OCA2: variants seen among roughly 807,000 people sequenced by gnomAD.
OCA2 encodes P protein.
A neutral mutation model predicts 100.2 loss-of-function variants in OCA2; 77 were observed. The ratio of observed to expected loss-of-function variants is 0.77; its 90% confidence interval spans 0.64 to 0.93. The LOEUF (loss-of-function observed/expected upper bound fraction) is 0.93. Ranked by LOEUF, OCA2 falls within the 40% of genes least tolerant of loss-of-function variation. The probability of loss-of-function intolerance (pLI) is 0.00; values close to 1 mark genes in which losing one functional copy is unlikely to be tolerated. For synonymous variants in OCA2, 432 were observed against 439.2 expected, an observed-to-expected ratio of 0.98 and a Z score of 0.21; for missense variants, 1,062 against 1,089.1, an observed-to-expected ratio of 0.98 and a Z score of 0.35.
At chr15:27,751,241 T>A (rs544756990), downstream of OCA2, among the ~76,000 whole-genome samples, 5 of 152,336 alleles carry the variant, frequency 3.3e-5, no homozygotes, top group African/African-American at 1.2e-4. Flanking sequence ...CGCATAATAA[T>A]TGGTCCTATG....
chr15:27,754,112 C>T (rs919299553), downstream of OCA2, among the ~76,000 whole-genome samples: 1 of 152,096 alleles, frequency 6.6e-6, no homozygotes, highest in African/African-American at 2.4e-5. Context: ...GTCAGCTGCA[C>T]GTGTCTCAAG....
intron 19 of OCA2, among the ~76,000 whole-genome samples, chr15:27,904,596 C>G (rs1212587586): frequency 6.6e-6 from 1 of 152,168 alleles, no homozygotes; most frequent in African/African-American, 2.4e-5. Flanking sequence ...CAGCCCCTCA[C>G]TGATCATGGG....
chr15:27,845,113 T>C, intron 22 of OCA2, 61 bp from the exon 23 acceptor site: 1 of 1,265,704 alleles, frequency 7.9e-7, no homozygotes, highest in Non-Finnish European at 1.2e-6. Context: ...TCTGTTCTCT[T>C]TGGTTTGTAA....
chr15:27,773,037 G>A (rs2031982678), intron 23 of OCA2, among the ~76,000 whole-genome samples: 1 of 151,956 alleles, frequency 6.6e-6, no homozygotes, highest in African/African-American at 2.4e-5. Context: ...TATGTTGACT[G>A]TCTCATTGAA....
At chr15:27,861,058 C>T (rs2036111769) in intron 21 of OCA2, among the ~76,000 whole-genome samples, 1 of 152,198 alleles carries the variant, frequency 6.6e-6, no homozygotes, top group South Asian at 2.1e-4. Context: ...GGGAACAATA[C>T]GTCTGAAGCT....
At chr15:27,825,151 G>C (rs1261525007) in intron 23 of OCA2, among the ~76,000 whole-genome samples, 2 of 152,196 alleles carry the variant, frequency 1.3e-5, no homozygotes, top group African/African-American at 2.4e-5. Context: ...ATTGCTTGGT[G>C]AGTTGACTCT....
intron 19 of OCA2, among the ~76,000 whole-genome samples, chr15:27,924,037 T>C (rs1430490561): frequency 2.0e-5 from 3 of 152,170 alleles, no homozygotes; most frequent in Non-Finnish European, 4.4e-5. Flanking sequence ...TTTTTGTATA[T>C]GGTATAAGGA....
At chr15:27,748,959 GA>G in the OCA2 span, among the ~76,000 whole-genome samples, 34 of 149,992 alleles carry the variant, frequency 2.3e-4, 1 homozygote, top group South Asian at 4.9e-3. Flanking sequence ...AGAAAATACT[GA>G]AAAAAAAATG....
At chr15:27,763,475 C>T (rs773766149) in intron 23 of OCA2, among the ~76,000 whole-genome samples, 5 of 152,064 alleles carry the variant, frequency 3.3e-5, no homozygotes, top group African/African-American at 4.8e-5. Flanking sequence ...AATTAGAAAA[C>T]GAACAAAAGA....
At chr15:27,926,822 C>T (rs1261312437) in intron 18 of OCA2, among the ~76,000 whole-genome samples, 1 of 152,088 alleles carries the variant, frequency 6.6e-6, no homozygotes, top group East Asian at 1.9e-4. Context: ...CTATGTTGAC[C>T]AGGCTGGTCT....
At chr15:28,064,517 T>C (rs981130389) in intron 2 of OCA2, among the ~76,000 whole-genome samples, 2 of 152,148 alleles carry the variant, frequency 1.3e-5, no homozygotes, top group Non-Finnish European at 2.9e-5. Flanking sequence ...TCTTCAAGCC[T>C]GCTGATTCTT....
rs191120248 is a variant in OCA2, at chr15:28,077,067, T to G, written c.227+4581A>C. On this transcript the variant is annotated intron_variant, in intron 2 of 23. Transcript: ENST00000354638. ...TCACTCTGTGCTTAATTTGTTTTTT[T>G]TTTTTTTTTGAGACAGAGTTTCACA... 5.2e-4 allele frequency among the ~76,000 whole-genome samples: 79 copies of G among 151,584 alleles called. 1 individual carries two copies. In the Middle Eastern group the frequency reaches 0.031, roughly 59 times the overall value.
At chr15:27,935,202 C>T (rs2039408518) in intron 18 of OCA2, among the ~76,000 whole-genome samples, 1 of 152,168 alleles carries the variant, frequency 6.6e-6, no homozygotes, top group Admixed American at 6.5e-5. Context: ...ATTAAAAATG[C>T]AGTTGAGTGG....
chr15:28,056,416 G>C (rs1219522711), intron 2 of OCA2, among the ~76,000 whole-genome samples: 3 of 152,198 alleles, frequency 2.0e-5, no homozygotes, highest in Non-Finnish European at 4.4e-5. Context: ...GTCCACAGGA[G>C]GAACAAGACG....
intron 23 of OCA2, among the ~76,000 whole-genome samples, chr15:27,780,902 C>T (rs955751173): frequency 6.6e-6 from 1 of 152,136 alleles, no homozygotes; most frequent in Non-Finnish European, 1.5e-5. Context: ...ATTTGTATCT[C>T]TCCACGAAAT....
At chr15:27,893,085 G>T (rs1183109858) in intron 19 of OCA2, among the ~76,000 whole-genome samples, 2 of 152,174 alleles carry the variant, frequency 1.3e-5, no homozygotes, top group Non-Finnish European at 2.9e-5. Context: ...TTTAAAAAAA[G>T]ATTCCAGACT....
chr15:27,728,551 G>A, the OCA2 span, among the ~76,000 whole-genome samples: 159 of 152,240 alleles, frequency 1.0e-3, 1 homozygote, highest in African/African-American at 3.7e-3. Context: ...GAAATTCTCA[G>A]GAACCTCGTG....
At chr15:27,995,206 G>C (rs2041682421) in intron 9 of OCA2, among the ~76,000 whole-genome samples, 2 of 152,130 alleles carry the variant, frequency 1.3e-5, no homozygotes. Flanking sequence ...TAAGACAATG[G>C]ATAGAACATC....
intron 23 of OCA2, among the ~76,000 whole-genome samples, chr15:27,757,419 C>A (rs897173160): frequency 1.3e-5 from 2 of 152,152 alleles, no homozygotes; most frequent in African/African-American, 4.8e-5. Context: ...TCATGTTACC[C>A]CTATTATATA....
Sources: gnomAD v4.1 joint callset for allele counts (sites outside exome capture counted in the v4.1 genomes callset) on GRCh38, gnomAD v4.1.1 for gene constraint, MANE v1.5 for transcripts, NCBI Gene and HGNC (gene_info 2026-07-23, HGNC 2026-07-21) for gene names.